The following CADM1 variants were observed in gnomAD, a reference collection of about 807,000 sequenced individuals.
The protein encoded by CADM1 is TSLC-1.
Under a neutral mutation model 53.1 loss-of-function variants are expected in CADM1, and 15 were observed. The observed-to-expected ratio is 0.28, with a 90% CI of 0.19 to 0.44. CADM1 has a LOEUF of 0.44. Ranked by LOEUF, CADM1 falls within the 20% of genes least tolerant of loss-of-function variation. The probability of loss-of-function intolerance (pLI) is 1.00; values close to 1 mark genes in which losing one functional copy is unlikely to be tolerated. For missense variants in CADM1, 434 were observed against 611.3 expected (o/e 0.71, Z 3.06); for synonymous variants, 281 against 243.0 (o/e 1.16, Z -1.45).
At chr11:115,281,068 C>T (rs746784990) in intron 1 of CADM1, among the ~76,000 whole-genome samples, 3 of 152,168 alleles carry the variant, frequency 2.0e-5, no homozygotes, top group African/African-American at 4.8e-5. Context: ...ATTGAACTCC[C>T]GGTAGATTGG....
chr11:115,489,765 G>A (rs1327956041), intron 1 of CADM1, among the ~76,000 whole-genome samples: 1 of 152,210 alleles, frequency 6.6e-6, no homozygotes, highest in African/African-American at 2.4e-5. Flanking sequence ...AAGTACAGAA[G>A]AAGGGTTCAA....
chr11:115,279,627 A>G (rs1191716050), intron 1 of CADM1, among the ~76,000 whole-genome samples: 1 of 152,170 alleles, frequency 6.6e-6, no homozygotes, highest in East Asian at 1.9e-4. Context: ...GGCTGGGGAA[A>G]CTGTTACAAC....
intron 9 of CADM1, among the ~76,000 whole-genome samples, chr11:115,192,726 G>T (rs1939941047): frequency 1.3e-5 from 2 of 152,116 alleles, no homozygotes; most frequent in South Asian, 4.1e-4. Context: ...TTTCCTCGGG[G>T]AGGGCATTAG....
chr11:115,319,248 G>A (rs1406783051), intron 1 of CADM1, among the ~76,000 whole-genome samples: 1 of 152,120 alleles, frequency 6.6e-6, no homozygotes, highest in Non-Finnish European at 1.5e-5. Context: ...GCGTGGGTTG[G>A]AAAAGAAACT....
intron 1 of CADM1, among the ~76,000 whole-genome samples, chr11:115,256,676 G>A (rs1434377847): frequency 6.6e-6 from 1 of 152,210 alleles, no homozygotes; most frequent in African/African-American, 2.4e-5. Context: ...TCTGGTTGGA[G>A]GTGGGCAGGG....
intron 10 of CADM1, among the ~76,000 whole-genome samples, chr11:115,181,402 C>G (rs748122475): frequency 1.3e-5 from 2 of 152,108 alleles, no homozygotes; most frequent in African/African-American, 2.4e-5. Flanking sequence ...AGTTATCTTC[C>G]CCACCCTCAA....
chr11:115,267,770 A>C (rs1565334566), intron 1 of CADM1, among the ~76,000 whole-genome samples: 1 of 151,612 alleles, frequency 6.6e-6, no homozygotes, highest in East Asian at 1.9e-4. Context: ...CCTTTAAAAA[A>C]TATGACGAAT....
intron 1 of CADM1, among the ~76,000 whole-genome samples, chr11:115,307,002 G>A (rs145378111): frequency 6.6e-6 from 1 of 152,074 alleles, no homozygotes; most frequent in East Asian, 1.9e-4. Flanking sequence ...GTAGCATGGA[G>A]TGAGTGAGTG....
At chr11:115,245,077 A>C (rs1942366060) in intron 1 of CADM1, among the ~76,000 whole-genome samples, 1 of 152,202 alleles carries the variant, frequency 6.6e-6, no homozygotes, top group African/African-American at 2.4e-5. Context: ...AGTTTATACT[A>C]TGGCAACTAC....
intron 9 of CADM1, among the ~76,000 whole-genome samples, chr11:115,194,789 C>T (rs1296800228): frequency 6.6e-6 from 1 of 152,090 alleles, no homozygotes; most frequent in Admixed American, 6.5e-5. Flanking sequence ...GTCACCCGAC[C>T]CCTCACATTG....
intron 1 of CADM1, among the ~76,000 whole-genome samples, chr11:115,313,735 T>C (rs1944588721): frequency 6.6e-6 from 1 of 152,150 alleles, no homozygotes; most frequent in African/African-American, 2.4e-5. Flanking sequence ...AATTGATGTG[T>C]GCCATTTCCA....
intron 1 of CADM1, among the ~76,000 whole-genome samples, chr11:115,480,035 T>C (rs1472421783): frequency 6.6e-6 from 1 of 152,262 alleles, no homozygotes; most frequent in Non-Finnish European, 1.5e-5. Context: ...TCTACTTATC[T>C]TTAAAATTAT....
intron 1 of CADM1, among the ~76,000 whole-genome samples, chr11:115,430,274 G>A (rs1274537979): frequency 1.3e-5 from 2 of 152,144 alleles, no homozygotes; most frequent in African/African-American, 4.8e-5. Context: ...TAAAGGTGGA[G>A]GAACTATCCT....
At chr11:115,362,721 A>C (rs1447094255) in intron 1 of CADM1, among the ~76,000 whole-genome samples, 1 of 152,210 alleles carries the variant, frequency 6.6e-6, no homozygotes, top group Non-Finnish European at 1.5e-5. Context: ...AAGGAAAAAA[A>C]AGGCAAGATA....
chr11:115,496,409 T>C (rs1035275351), intron 1 of CADM1, among the ~76,000 whole-genome samples: 1 of 152,152 alleles, frequency 6.6e-6, no homozygotes, highest in Non-Finnish European at 1.5e-5. Flanking sequence ...TGAAGGCTGA[T>C]AGGCAGAACC....
intron 1 of CADM1, among the ~76,000 whole-genome samples, chr11:115,279,163 C>G (rs1048685218): frequency 6.6e-6 from 1 of 152,136 alleles, no homozygotes; most frequent in African/African-American, 2.4e-5. Context: ...TCCACTAGCC[C>G]TTTGTGGACA....
At chr11:115,492,441 G>A (rs1019774466) in intron 1 of CADM1, among the ~76,000 whole-genome samples, 5 of 152,140 alleles carry the variant, frequency 3.3e-5, no homozygotes, top group Admixed American at 1.3e-4. Flanking sequence ...AATCAACAAT[G>A]ATAGGAAAGA....
chr11:115,334,776 A>G (rs1317662107), intron 1 of CADM1, among the ~76,000 whole-genome samples: 1 of 152,162 alleles, frequency 6.6e-6, no homozygotes, highest in Non-Finnish European at 1.5e-5. Flanking sequence ...ACATTCGAGT[A>G]GTCTATAACA....
chr11:115,220,973 T>C (rs899054859), intron 5 of CADM1, among the ~76,000 whole-genome samples: 9 of 152,206 alleles, frequency 5.9e-5, no homozygotes. Context: ...ATAAATCAAA[T>C]GTTATAACCC....
Sources: allele counts gnomAD v4.1 joint callset (sites outside exome capture counted in the v4.1 genomes callset), GRCh38; gene constraint gnomAD v4.1.1; transcripts MANE v1.5; gene names NCBI Gene and HGNC (gene_info 2026-07-23, HGNC 2026-07-21).